Variants in C19orf44 observed in about 807,000 individuals in gnomAD.
C19orf44 encodes the protein uncharacterized protein C19orf44.
Under a neutral mutation model 50.7 loss-of-function variants are expected in C19orf44, and 43 were observed. The observed-to-expected ratio is 0.85, with a 90% CI of 0.66 to 1.09. The LOEUF (loss-of-function observed/expected upper bound fraction) is 1.09. Among genes scored for constraint, C19orf44 ranks in the 50% least tolerant of loss-of-function variants. C19orf44 has a pLI of 0.00. For synonymous variants in C19orf44, 298 were observed against 334.7 expected (o/e 0.89, Z 1.20); for missense variants, 722 against 836.2 (o/e 0.86, Z 1.68).
chr19:16,518,033 C>T (rs2085561768), intron 8 of C19orf44: 1 of 152,160 alleles, frequency 6.6e-6, no homozygotes. Flanking sequence ...ATCAAATATT[C>T]ATCACGTTGG....
chr19:16,503,190 A>G lies in C19orf44; in HGVS notation c.885A>G (p.Arg295=). The G allele has an allele frequency of 6.2e-7, 1 of 1,614,126 alleles. No homozygotes were observed. Among genetic ancestry groups the G allele is most frequent in the Non-Finnish European group, 8.5e-7 (1 of 1,180,024 alleles). Reference sequence around the variant, plus strand: ...GAACCCTTCACAGCACTCGCTCAAGAGCAGACTACCCACAGAGTCACGTTT... The same window carrying G: ...GAACCCTTCACAGCACTCGCTCAAGGGCAGACTACCCACAGAGTCACGTTT... ...ADRTLHSTRS[R]ADYPQSHVSS... Residue 295 remains arginine, a synonymous_variant, in exon 3 of 9, where the codon AGA becomes AGG. Coordinates refer to ENST00000221671, the MANE Select transcript of C19orf44 (RefSeq NM_032207.4).
At chr19:16,516,998 G>A (rs1181235227) in intron 7 of C19orf44, among the ~76,000 whole-genome samples, 3 of 152,200 alleles carry the variant, frequency 2.0e-5, no homozygotes, top group African/African-American at 7.2e-5. Flanking sequence ...GGCACTCACA[G>A]GCACCCCTCC....
At chr19:16,507,087 A>AG (rs2093442742) in intron 4 of C19orf44, among the ~76,000 whole-genome samples, 1 of 152,186 alleles carries the variant, frequency 6.6e-6, no homozygotes, top group South Asian at 2.1e-4. Context: ...TGTCATGACT[A>AG]GGGGGTGGGT....
intron 1 of C19orf44, among the ~76,000 whole-genome samples, chr19:16,500,534 G>A (rs898359524): frequency 1.3e-5 from 2 of 151,756 alleles, no homozygotes; most frequent in Non-Finnish European, 2.9e-5. Flanking sequence ...TAGTAGAGAC[G>A]GGGTTTCACC....
At chr19:16,508,134 C>T (rs956894638) in intron 4 of C19orf44, among the ~76,000 whole-genome samples, 5 of 151,098 alleles carry the variant, frequency 3.3e-5, no homozygotes, top group African/African-American at 9.7e-5. Context: ...GACACAGTCT[C>T]GCTCTGTCGC....
chr19:16,517,979 T>C (rs1436397006), intron 8 of C19orf44: 1 of 152,230 alleles, frequency 6.6e-6, no homozygotes, highest in Non-Finnish European at 1.5e-5. Flanking sequence ...TTATCCTGAA[T>C]CATACATTTT....
Position 16,519,774 on chromosome 19 carries a change from AG to A in C19orf44, c.*41-319del, listed in dbSNP as rs1370663591. 8 of 1,413,666 alleles carry A rather than the reference AG, an allele frequency of 5.7e-6. No individual in the cohort carries two copies. Among genetic ancestry groups the A allele is most frequent in the Non-Finnish European group, 7.0e-6 (7 of 998,024 alleles). The allele number at this position is 1,413,666 out of a possible 1,614,324, so 87.6% of individuals were successfully genotyped here. On this transcript the variant is annotated intron_variant, in intron 8 of 8. Transcript: ENST00000221671. The surrounding 1 kb of genome is among the most constrained non-coding windows in gnomAD (Gnocchi z 6.0). ...TAACTGAGACATTTATTGGAATGAC[AG>A]TGATGAGGACCTCACAGCCGCAGCT...
At chr19:16,502,999 C>T in intron 2 of C19orf44, 66 bp from the exon 3 acceptor site, 1 of 1,366,850 alleles carries the variant, frequency 7.3e-7, no homozygotes, top group Non-Finnish European at 9.9e-7. Context: ...AAAAAAAAAA[C>T]AAAAAACAAA....
chr19:16,506,293 A>G (rs1183531884), intron 3 of C19orf44, among the ~76,000 whole-genome samples: 13 of 151,718 alleles, frequency 8.6e-5, no homozygotes, highest in Admixed American at 7.9e-4. Flanking sequence ...ATATCTTTCT[A>G]AACATTTGTG....
In C19orf44 at chr19:16,519,468, G is replaced by A. The variant is rs972306365; in HGVS notation, c.*41-626G>A. On this transcript the variant is annotated intron_variant, in intron 8 of 8. Transcript: ENST00000221671. This position sits in a 1 kb window ranked among gnomAD's most constrained non-coding sequence, Gnocchi z 6.0. ...CATGGGAAATGGGTAGAGAGAACCC[G>A]CAGGCCGGCCCTGTCTAGAGGGTCT... 2.8e-5 allele frequency: 36 copies of A among 1,293,888 alleles called. No homozygotes were observed. The highest frequency in any genetic ancestry group is 7.0e-5 in the East Asian group (3 of 42,908). 80.2% of individuals were successfully genotyped at this position (1,293,888 alleles called of 1,614,324 possible). A position where few individuals can be genotyped will look rare whatever the true frequency, so the allele number is the denominator to read the frequency against.
chr19:16,507,220 G>A (rs2093442997), intron 4 of C19orf44, among the ~76,000 whole-genome samples: 1 of 152,134 alleles, frequency 6.6e-6, no homozygotes, highest in Non-Finnish European at 1.5e-5. Flanking sequence ...AGTGCAGTAG[G>A]TGAGAGACCC....
At chr19:16,506,849 A>C in intron 4 of C19orf44, 75 bp downstream of exon 4, 1 of 1,155,122 alleles carries the variant, frequency 8.7e-7, no homozygotes, top group Non-Finnish European at 1.2e-6. Context: ...TTTTTAAAAA[A>C]TTTAAAAATT....
Position 16,506,729 on chromosome 19 carries a change from CG to C in C19orf44, c.1106del (p.Gly369ValfsTer93). Reference sequence around the variant, plus strand: ...TTAGAATAAATATTTTATCGCTTGACGGTCTGGCTCCAGCTGTCAGTGAGAA... The same window carrying C: ...TTAGAATAAATATTTTATCGCTTGACGTCTGGCTCCAGCTGTCAGTGAGAA... ...EFRINILSLD[G>X]LAPAVSENSD... is the part of the protein sequence containing the mutation. On this transcript the variant is annotated frameshift_variant, in exon 4 of 9. Transcript: ENST00000221671. LOFTEE classifies it high-confidence loss of function. 1.2e-6 allele frequency: 2 copies of C among 1,604,330 alleles called. No individual in the cohort carries two copies.
At chr19:16,510,900 T>A (rs2122210184) in intron 5 of C19orf44, among the ~76,000 whole-genome samples, 1 of 152,080 alleles carries the variant, frequency 6.6e-6, no homozygotes, top group East Asian at 1.9e-4. Context: ...CATGCCTGGC[T>A]AATTTTTATA....
chr19:16,518,995 C>T (rs1008350115), intron 8 of C19orf44: 30 of 685,226 alleles, frequency 4.4e-5, no homozygotes, highest in African/African-American at 2.2e-4. Flanking sequence ...TGGAGCACGG[C>T]GTTCCCACTG....
chr19:16,504,921 C>T (rs1352484657), intron 3 of C19orf44, among the ~76,000 whole-genome samples: 99 of 150,696 alleles, frequency 6.6e-4, no homozygotes, highest in African/African-American at 2.3e-3. Context: ...TGGGTTCAAG[C>T]GATTCTCCTG....
At chr19:16,515,417 T>C (rs1008117628) in intron 7 of C19orf44, among the ~76,000 whole-genome samples, 4 of 152,336 alleles carry the variant, frequency 2.6e-5, no homozygotes, top group Admixed American at 2.6e-4. Flanking sequence ...CTGAAAATCT[T>C]GTTGCAGAGA....
chr19:16,502,616 G>A (rs1219724676), intron 2 of C19orf44, among the ~76,000 whole-genome samples: 1 of 152,094 alleles, frequency 6.6e-6, no homozygotes, highest in Non-Finnish European at 1.5e-5. Flanking sequence ...AGAGAAAGGG[G>A]ATGCAGTAAG....
chr19:16,520,279 T>A lies in C19orf44; in HGVS notation c.*226T>A, dbSNP rs1208471247. On this transcript the variant is annotated 3_prime_UTR_variant, in exon 9 of 9. Transcript: ENST00000221671. The surrounding 1 kb of genome is among the most constrained non-coding windows in gnomAD (Gnocchi z 4.0). Reference sequence around the variant, plus strand: ...CTGCTCCGACTTCTGCAGGGAAGGGTGCCCAAGGGTCAGCAGCAGCCAGGC... The same window carrying A: ...CTGCTCCGACTTCTGCAGGGAAGGGAGCCCAAGGGTCAGCAGCAGCCAGGC... 1.9e-6 allele frequency: 3 copies of A among 1,612,472 alleles called. No homozygotes were observed. Among genetic ancestry groups the A allele is most frequent in the Non-Finnish European group, 1.7e-6 (2 of 1,179,656 alleles).
Sources: gnomAD v4.1 joint callset for allele counts (sites outside exome capture counted in the v4.1 genomes callset) on GRCh38, gnomAD v4.1.1 for gene constraint, Gnocchi (gnomAD v3.1) non-coding constraint, MANE v1.5 for transcripts, NCBI Gene and HGNC (gene_info 2026-07-23, HGNC 2026-07-21) for gene names.